The following ITGB5 variants were observed in gnomAD, a reference collection of about 807,000 sequenced individuals.
ITGB5 encodes the protein integrin beta-5.
In ITGB5, 38 loss-of-function variants were observed where a neutral mutation model predicts 84.8. That is an observed-to-expected ratio of 0.45 (90% CI 0.35 to 0.59). The LOEUF is 0.59. Among genes scored for constraint, ITGB5 ranks in the 20% least tolerant of loss-of-function variants. ITGB5 has a pLI of 0.01. For synonymous variants in ITGB5, 393 were observed against 414.4 expected (o/e 0.95, Z 0.63); for missense variants, 905 against 1,034.5 (o/e 0.87, Z 1.72).
chr3:124,763,461 A>C lies in ITGB5; in HGVS notation c.*162T>G. ...TAGCAGCCAGGTGACATGGCCAGGC[A>C]CCTTCCTGTACAGGCACTGTGGGCT... On this transcript the variant is annotated 3_prime_UTR_variant, in exon 15 of 15. Transcript: ENST00000296181. 1.9e-6 allele frequency: 1 copy of C among 528,512 alleles called. No individual in the cohort carries two copies. Among genetic ancestry groups the C allele is most frequent in the South Asian group, 2.4e-5 (1 of 42,216 alleles). The allele number at this position is 528,512 out of a possible 1,614,324, so 32.7% of individuals were successfully genotyped here.
intron 8 of ITGB5, among the ~76,000 whole-genome samples, chr3:124,810,703 C>T (rs2064485819): frequency 6.6e-6 from 1 of 152,086 alleles, no homozygotes; most frequent in South Asian, 2.1e-4. Context: ...AGCTTTTATT[C>T]AGAGGTCATA....
intron 1 of ITGB5, among the ~76,000 whole-genome samples, chr3:124,882,614 C>T (rs1032274540): frequency 3.9e-5 from 6 of 152,132 alleles, no homozygotes; most frequent in African/African-American, 4.8e-5. Flanking sequence ...GTGGAGAGTT[C>T]GTGGAGCCTG....
chr3:124,815,653 T>G (rs1230454998), intron 8 of ITGB5, among the ~76,000 whole-genome samples: 1 of 152,136 alleles, frequency 6.6e-6, no homozygotes, highest in Non-Finnish European at 1.5e-5. Context: ...GTTCTCTTAG[T>G]TCAGTGTCCA....
intron 10 of ITGB5, among the ~76,000 whole-genome samples, chr3:124,777,870 T>C (rs2063947415): frequency 6.6e-6 from 1 of 152,230 alleles, no homozygotes; most frequent in African/African-American, 2.4e-5. Flanking sequence ...CAACCTGCCT[T>C]TCCCTCAGCC....
At chr3:124,842,863 C>T (rs2065028759) in intron 4 of ITGB5, among the ~76,000 whole-genome samples, 1 of 152,180 alleles carries the variant, frequency 6.6e-6, no homozygotes. Context: ...CTCTAAGGGG[C>T]TATTCCATTC....
chr3:124,811,872 G>T (rs986186333), intron 8 of ITGB5, among the ~76,000 whole-genome samples: 3 of 152,134 alleles, frequency 2.0e-5, no homozygotes, highest in Non-Finnish European at 2.9e-5. Context: ...GCACAGGACC[G>T]GGTGCAGGCT....
chr3:124,824,492 A>G (rs1275690720), intron 5 of ITGB5, among the ~76,000 whole-genome samples: 1 of 151,864 alleles, frequency 6.6e-6, no homozygotes, highest in African/African-American at 2.4e-5. Flanking sequence ...TTCTTAGATA[A>G]GATGATTCAT....
chr3:124,773,945 C>T (rs780409499), intron 10 of ITGB5, 33 bp from the exon 11 acceptor site: 3 of 1,589,838 alleles, frequency 1.9e-6, no homozygotes, highest in Middle Eastern at 1.7e-4. Context: ...TCAGCACCTG[C>T]TCACCTTTAC....
chr3:124,838,094 TTGGGAATACAAATGCA>T (rs1476845321), intron 5 of ITGB5, among the ~76,000 whole-genome samples: 1 of 152,054 alleles, frequency 6.6e-6, no homozygotes, highest in Non-Finnish European at 1.5e-5. Flanking sequence ...ATGGGTGTGG[TTGGGAATACAAATGCA>T]ACAAGACTGG....
At chr3:124,851,421 C>A (rs1361404418) in intron 3 of ITGB5, among the ~76,000 whole-genome samples, 1 of 152,112 alleles carries the variant, frequency 6.6e-6, no homozygotes, top group Non-Finnish European at 1.5e-5. Context: ...GACAGAAAAT[C>A]CTGCCAGCAA....
At chr3:124,771,934 T>C (rs1004621620) in intron 11 of ITGB5, among the ~76,000 whole-genome samples, 2 of 152,126 alleles carry the variant, frequency 1.3e-5, no homozygotes, top group African/African-American at 4.8e-5. Context: ...CAATCCTCCA[T>C]TGCCTGCTGC....
intron 5 of ITGB5, among the ~76,000 whole-genome samples, chr3:124,830,486 G>C (rs1201684751): frequency 6.6e-6 from 1 of 152,198 alleles, no homozygotes; most frequent in Non-Finnish European, 1.5e-5. Context: ...GGCTCCAAGG[G>C]GCTACAACAG....
At chr3:124,779,795 C>G (rs1341802441) in intron 10 of ITGB5, among the ~76,000 whole-genome samples, 2 of 152,194 alleles carry the variant, frequency 1.3e-5, no homozygotes, top group African/African-American at 4.8e-5. Context: ...TTAAACATCA[C>G]TGCCTTATCA....
intron 1 of ITGB5, among the ~76,000 whole-genome samples, chr3:124,882,327 A>G (rs1480211322): frequency 6.6e-6 from 1 of 152,222 alleles, no homozygotes; most frequent in African/African-American, 2.4e-5. Context: ...GACAAAAATT[A>G]AAGAAGAAAA....
At position 124,764,467 on chromosome 3, in the gene ITGB5, T is replaced by C; in HGVS notation, c.2228A>G (p.Lys743Arg). 6.2e-7 allele frequency: 1 copy of C among 1,614,072 alleles called. No homozygotes were observed. Among genetic ancestry groups the C allele is most frequent in the Non-Finnish European group, 8.5e-7 (1 of 1,180,002 alleles). ...LVGLALLAIW[K>R]LLVTIHDRRE... is the part of the protein sequence containing the mutation. ...CCGGTCGTGGATGGTGACAAGCAGC[T>C]TCCAGATAGCCAGGAGTGCAAGCCC... The change falls in exon 14 of 15, where the codon AAG (lysine) becomes AGG (arginine). Residue 743 changes from lysine to arginine, a missense_variant. Physicochemically the swap from Lys to Arg is conservative, Grantham distance 26. Transcript: ENST00000296181.
exon 1 of ITGB5, chr3:124,901,391 G>C (rs58012557): frequency 6.6e-6 from 1 of 151,618 alleles, no homozygotes; most frequent in African/African-American, 2.4e-5. Context: ...ACTCTGTCTC[G>C]ATAAAAAGAA....
upstream of ITGB5, among the ~76,000 whole-genome samples, chr3:124,890,528 G>C (rs1934980237): frequency 6.6e-6 from 1 of 152,156 alleles, no homozygotes; most frequent in Non-Finnish European, 1.5e-5. Context: ...CCTAGGCCCT[G>C]TGGAGCGGAT....
At chr3:124,797,845 G>A (rs948228984) in intron 9 of ITGB5, among the ~76,000 whole-genome samples, 1 of 152,070 alleles carries the variant, frequency 6.6e-6, no homozygotes, top group Non-Finnish European at 1.5e-5. Flanking sequence ...CTGATGAAAT[G>A]CCGTTGTAAA....
At chr3:124,871,918 G>C (rs1934076071) in intron 2 of ITGB5, among the ~76,000 whole-genome samples, 1 of 152,038 alleles carries the variant, frequency 6.6e-6, no homozygotes, top group African/African-American at 2.4e-5. Flanking sequence ...GCTCTCCAGG[G>C]AGGGGAGAAA....
Sources: allele counts gnomAD v4.1 joint callset (sites outside exome capture counted in the v4.1 genomes callset), GRCh38; gene constraint gnomAD v4.1.1; transcripts MANE v1.5; gene names NCBI Gene and HGNC (gene_info 2026-07-23, HGNC 2026-07-21).